GRM8: variants seen among roughly 807,000 people sequenced by gnomAD.
GRM8 encodes metabotropic glutamate receptor 8.
In GRM8, 47 loss-of-function variants were observed where a neutral mutation model predicts 87.2. The ratio of observed to expected loss-of-function variants is 0.54; its 90% CI spans 0.43 to 0.69. GRM8 has a LOEUF of 0.69. Ranked by LOEUF, GRM8 falls within the 30% of genes least tolerant of loss-of-function variation. The pLI is 0.00. For missense variants in GRM8, 1,019 were observed against 1,139.2 expected, an observed-to-expected ratio of 0.89 and a Z score of 1.52; for synonymous variants, 396 against 404.5, an observed-to-expected ratio of 0.98 and a Z score of 0.25.
intron 2 of GRM8, among the ~76,000 whole-genome samples, chr7:127,194,408 T>G (rs1795178801): frequency 6.6e-6 from 1 of 152,184 alleles, no homozygotes; most frequent in South Asian, 2.1e-4. Context: ...TCAGATTAGG[T>G]TATCTTCTAA....
intron 2 of GRM8, among the ~76,000 whole-genome samples, chr7:127,222,037 A>C (rs1796964356): frequency 6.6e-6 from 1 of 152,198 alleles, no homozygotes; most frequent in African/African-American, 2.4e-5. Context: ...GAGCAGAGAA[A>C]TGCCCCCACA....
At chr7:126,780,320 A>G (rs1819923450) in intron 6 of GRM8, among the ~76,000 whole-genome samples, 1 of 152,180 alleles carries the variant, frequency 6.6e-6, no homozygotes, top group Non-Finnish European at 1.5e-5. Flanking sequence ...TCTCCCCCAT[A>G]GGGTTGTTGT....
chr7:126,551,430 A>T (rs541237755), intron 8 of GRM8, among the ~76,000 whole-genome samples: 1 of 152,120 alleles, frequency 6.6e-6, no homozygotes, highest in Non-Finnish European at 1.5e-5. Context: ...ATATTTTTTG[A>T]CTTGTCTTTG....
Position 127,105,785 on chromosome 7 carries a change from G to A in GRM8, c.727+711C>T, listed in dbSNP as rs182333070. ...GTTGACAAATCAGCAGTTAAGATTT[G>A]TGCTCTAAGTTGTTCCTTTGTTTTG... On this transcript the variant is annotated intron_variant, in intron 3 of 10. Transcript: ENST00000339582. Among the ~76,000 whole-genome samples the A allele has an allele frequency of 8.9e-4, 135 of 152,210 alleles. 1 individual carries two copies. Among genetic ancestry groups the A allele is most frequent in the Non-Finnish European group, 6.8e-4 (46 of 68,014 alleles).
At chr7:126,815,267 C>A (rs554082750) in intron 6 of GRM8, among the ~76,000 whole-genome samples, 13 of 152,214 alleles carry the variant, frequency 8.5e-5, no homozygotes, top group African/African-American at 1.7e-4. Flanking sequence ...TATAAATCAT[C>A]AAGGCTGGAA....
chr7:127,246,302 A>C (rs1378826702), intron 1 of GRM8, among the ~76,000 whole-genome samples: 1 of 152,248 alleles, frequency 6.6e-6, no homozygotes, highest in Non-Finnish European at 1.5e-5. Flanking sequence ...AGTTTTAAAC[A>C]AATCACAATC....
Position 126,684,077 on chromosome 7 carries a change from G to A in GRM8, c.1358-74579C>T, listed in dbSNP as rs561010291. The stretch of plus-strand genomic sequence containing the variant: ...TTGTGGATGAAGGGAAGGTGAGCAG[G>A]AAGGAAAGAAGTAGAGAGGATGGAA... On this transcript the variant is annotated intron_variant, in intron 7 of 10. Coordinates refer to ENST00000339582, the MANE Select transcript of GRM8 (RefSeq NM_000845.3). 1.1e-4 allele frequency among the ~76,000 whole-genome samples: 16 copies of A among 152,280 alleles called. No homozygotes were observed. The South Asian group carries it at 2.9e-3, about 28-fold the overall frequency.
intron 3 of GRM8, among the ~76,000 whole-genome samples, chr7:127,044,434 T>G (rs1032538262): frequency 3.9e-5 from 6 of 152,138 alleles, no homozygotes; most frequent in Non-Finnish European, 7.3e-5. Flanking sequence ...GACATGAAAT[T>G]GAGTCTATTT....
At chr7:126,580,516 CCA>C in intron 8 of GRM8, among the ~76,000 whole-genome samples, 1 of 152,222 alleles carries the variant, frequency 6.6e-6, no homozygotes, top group East Asian at 1.9e-4. Flanking sequence ...ATGAGCTCCA[CCA>C]TCTCCTGGTC....
chr7:126,601,783 GT>G (rs570766340), intron 8 of GRM8, among the ~76,000 whole-genome samples: 5,127 of 145,132 alleles, frequency 0.035, 222 homozygotes, highest in African/African-American at 0.11. Flanking sequence ...GGGGTTGTTT[GT>G]TTTTTTCTTG....
At chr7:126,522,702 T>C (rs1813183989) in intron 9 of GRM8, among the ~76,000 whole-genome samples, 1 of 152,220 alleles carries the variant, frequency 6.6e-6, no homozygotes, top group South Asian at 2.1e-4. Context: ...CCACTATTTC[T>C]ATTGTCTAGG....
At chr7:126,888,744 G>A (rs1423107044) in intron 6 of GRM8, among the ~76,000 whole-genome samples, 3 of 152,108 alleles carry the variant, frequency 2.0e-5, no homozygotes, top group Admixed American at 1.3e-4. Flanking sequence ...GGAGACAGGT[G>A]CAGAGCATCT....
At chr7:126,936,533 C>T (rs1212224808) in intron 3 of GRM8, among the ~76,000 whole-genome samples, 2 of 152,222 alleles carry the variant, frequency 1.3e-5, no homozygotes, top group African/African-American at 4.8e-5. Context: ...CTGGAGACTA[C>T]ACCTCCCTAC....
At chr7:126,604,213 G>A (rs1025297656) in intron 8 of GRM8, among the ~76,000 whole-genome samples, 17 of 151,964 alleles carry the variant, frequency 1.1e-4, no homozygotes, top group Non-Finnish European at 2.4e-4. Flanking sequence ...CAATTTAATG[G>A]AGCAAAATTC....
At chr7:126,477,775 ATTTAT>A (rs1806170715) in intron 9 of GRM8, among the ~76,000 whole-genome samples, 1 of 152,084 alleles carries the variant, frequency 6.6e-6, no homozygotes, top group African/African-American at 2.4e-5. Flanking sequence ...TACCAAGACA[ATTTAT>A]TTAGAGTATT....
intron 8 of GRM8, among the ~76,000 whole-genome samples, chr7:126,546,066 G>T (rs990912510): frequency 6.6e-6 from 1 of 152,054 alleles, no homozygotes; most frequent in East Asian, 1.9e-4. Flanking sequence ...GGTTTGGAAT[G>T]AATATTTTCA....
chr7:126,466,427 A>G (rs1294277196), intron 9 of GRM8, among the ~76,000 whole-genome samples: 1 of 151,956 alleles, frequency 6.6e-6, no homozygotes, highest in Non-Finnish European at 1.5e-5. Flanking sequence ...AAGAAGTAGA[A>G]TTCTTGATTC....
intron 8 of GRM8, among the ~76,000 whole-genome samples, chr7:126,569,248 T>C (rs1794496520): frequency 6.6e-6 from 1 of 152,162 alleles, no homozygotes; most frequent in African/African-American, 2.4e-5. Flanking sequence ...TTTTGTATTT[T>C]ACATAATGTA....
chr7:126,839,948 A>G (rs1021651669), intron 6 of GRM8, among the ~76,000 whole-genome samples: 10 of 152,216 alleles, frequency 6.6e-5, no homozygotes, highest in African/African-American at 2.4e-4. Context: ...AATCAGCCCA[A>G]TATGGAGCTT....
Sources: allele counts gnomAD v4.1 joint callset (sites outside exome capture counted in the v4.1 genomes callset), GRCh38; gene constraint gnomAD v4.1.1; transcripts MANE v1.5; gene names NCBI Gene and HGNC (gene_info 2026-07-23, HGNC 2026-07-21).